Variants in GNA11 observed in about 807,000 individuals in gnomAD.
GNA11 encodes guanine nucleotide-binding protein subunit alpha-11.
In GNA11, 8 loss-of-function variants were observed where a neutral mutation model predicts 38.2. That is an observed-to-expected ratio of 0.21 (90% confidence interval 0.12 to 0.38). The LOEUF (loss-of-function observed/expected upper bound fraction) is 0.38. GNA11 is among the 10% of genes least tolerant of loss of function. The probability of loss-of-function intolerance (pLI) is 1.00; values close to 1 mark genes in which losing one functional copy is unlikely to be tolerated. For synonymous variants in GNA11, 211 were observed against 221.4 expected (o/e 0.95, Z 0.42); for missense variants, 268 against 516.3 (o/e 0.52, Z 4.66).
intron 1 of GNA11, among the ~76,000 whole-genome samples, chr19:3,098,198 C>G (rs867715845): frequency 2.0e-5 from 3 of 152,236 alleles, no homozygotes; most frequent in Non-Finnish European, 2.9e-5. Flanking sequence ...TGTCCCTATG[C>G]ACACTTCTGT....
intron 1 of GNA11, among the ~76,000 whole-genome samples, chr19:3,096,021 C>A (rs1049200410): frequency 3.9e-5 from 6 of 152,052 alleles, no homozygotes; most frequent in African/African-American, 1.4e-4. Flanking sequence ...GCTCCTGGGC[C>A]GGGGGCGGGG....
chr19:3,098,227 T>C (rs1913419433), intron 1 of GNA11, among the ~76,000 whole-genome samples: 3 of 152,230 alleles, frequency 2.0e-5, no homozygotes, highest in Admixed American at 2.0e-4. Flanking sequence ...GTGACAGCTG[T>C]GGATGGGTAC....
At position 3,121,216 on chromosome 19, in the gene GNA11, G is replaced by GC; in HGVS notation, c.*38dup. ...CAGGGAGACGGGATGGAGACACGGG[G>GC]CAGGACCTTCCTTCCACGGAGCCTG... is the stretch of plus-strand genomic sequence containing the variant. On this transcript the variant is annotated 3_prime_UTR_variant, in exon 7 of 7. Coordinates refer to ENST00000078429, the MANE Select transcript of GNA11 (RefSeq NM_002067.5). 1 of 1,532,360 alleles carries GC rather than the reference G, an allele frequency of 6.5e-7. No homozygotes were observed. The highest frequency in any genetic ancestry group is 1.1e-5 in the South Asian group (1 of 87,670). 94.9% of individuals were successfully genotyped at this position (1,532,360 alleles called of 1,614,324 possible).
At chr19:3,111,815 C>T (rs1913781816) in intron 2 of GNA11, among the ~76,000 whole-genome samples, 1 of 152,202 alleles carries the variant, frequency 6.6e-6, no homozygotes, top group Non-Finnish European at 1.5e-5. Context: ...CCAGTGGCCT[C>T]CCTGGGGCCT....
chr19:3,095,641 G>A (rs935113299), intron 1 of GNA11, among the ~76,000 whole-genome samples: 1 of 151,982 alleles, frequency 6.6e-6, no homozygotes, highest in East Asian at 1.9e-4. Context: ...AATGCACCCT[G>A]TGGGAAAAAG....
chr19:3,112,695 C>T (rs995524860), intron 2 of GNA11, among the ~76,000 whole-genome samples: 1 of 152,262 alleles, frequency 6.6e-6, no homozygotes, highest in Admixed American at 6.5e-5. Context: ...TGTTGGGGCA[C>T]CATGTAAACT....
At chr19:3,107,950 G>A (rs1913677386) in intron 1 of GNA11, among the ~76,000 whole-genome samples, 1 of 152,194 alleles carries the variant, frequency 6.6e-6, no homozygotes, top group South Asian at 2.1e-4. Flanking sequence ...CTCCTGTCCT[G>A]GAACTTGGGT....
At chr19:3,097,183 C>T (rs122631) in intron 1 of GNA11, among the ~76,000 whole-genome samples, 3 of 151,142 alleles carry the variant, frequency 2.0e-5, no homozygotes, top group South Asian at 2.1e-4. Flanking sequence ...CGAGGCTCCC[C>T]GGAAGGAAGG....
chr19:3,113,597 G>T (rs913103122), intron 3 of GNA11, 113 bp downstream of exon 3: 4 of 804,832 alleles, frequency 5.0e-6, no homozygotes, highest in Non-Finnish European at 7.6e-6. Context: ...GCTCGCCGGG[G>T]GCAGGGATGC....
intron 1 of GNA11, among the ~76,000 whole-genome samples, chr19:3,095,222 A>G (rs1913334949): frequency 6.6e-6 from 1 of 152,060 alleles, no homozygotes; most frequent in Non-Finnish European, 1.5e-5. Flanking sequence ...TGTCTGGATC[A>G]GGCCCCCGAT....
Position 3,113,321 on chromosome 19 carries a change from C to T in GNA11, c.322-9C>T. ...GAGCTCTCGACGTCTCCCCTGCCCG[C>T]CCTCGCAGGCCAATGCGCTCCTGAT... On this transcript the variant is annotated splice_polypyrimidine_tract_variant and intron_variant, in intron 2 of 6. Coordinates refer to ENST00000078429, the MANE Select transcript of GNA11 (RefSeq NM_002067.5). The T allele has an allele frequency of 6.2e-7, 1 of 1,612,756 alleles. No homozygotes were observed. The highest frequency in any genetic ancestry group is 8.5e-7 in the Non-Finnish European group (1 of 1,179,590).
At chr19:3,103,077 G>A (rs1316657715) in intron 1 of GNA11, among the ~76,000 whole-genome samples, 2 of 152,182 alleles carry the variant, frequency 1.3e-5, no homozygotes, top group East Asian at 1.9e-4. Context: ...TGTGGGGCTC[G>A]GCTCAGGCGT....
intron 4 of GNA11, among the ~76,000 whole-genome samples, chr19:3,116,292 T>G (rs1294168214): frequency 6.6e-6 from 1 of 152,174 alleles, no homozygotes; most frequent in East Asian, 1.9e-4. Flanking sequence ...TGCGTGCCTG[T>G]CCTGGGCTGC....
intron 1 of GNA11, among the ~76,000 whole-genome samples, chr19:3,098,275 G>A (rs1599295417): frequency 6.6e-6 from 1 of 152,208 alleles, no homozygotes; most frequent in African/African-American, 2.4e-5. Context: ...TAGTGCACAC[G>A]CTGCTCCCGC....
At chr19:3,116,085 G>C (rs1568284052) in intron 4 of GNA11, among the ~76,000 whole-genome samples, 1 of 152,030 alleles carries the variant, frequency 6.6e-6, no homozygotes, top group African/African-American at 2.4e-5. Context: ...TGCGGATCCT[G>C]CTGGGCCTCC....
At chr19:3,107,755 T>G (rs940139301) in intron 1 of GNA11, among the ~76,000 whole-genome samples, 3 of 152,148 alleles carry the variant, frequency 2.0e-5, no homozygotes, top group Non-Finnish European at 4.4e-5. Context: ...GGGCCAGGGT[T>G]GCTGCTGAGC....
rs760222003 is a variant in GNA11 at position 3,121,128 on chromosome 19, C to T, written c.1029C>T (p.Ala343=). 9.3e-6 allele frequency: 15 copies of T among 1,613,610 alleles called. No homozygotes were observed. Among genetic ancestry groups the T allele is most frequent in the Middle Eastern group, 1.6e-4 (1 of 6,080 alleles). ...AGAACATCCGCTTCGTGTTCGCGGC[C>T]GTGAAGGACACCATCCTGCAGCTCA... ...DTENIRFVFA[A]VKDTILQLNL... Residue 343 remains alanine, a synonymous_variant, in exon 7 of 7, where the codon GCC becomes GCT. Transcript: ENST00000078429.
chr19:3,098,623 C>T (rs1376194572), intron 1 of GNA11, among the ~76,000 whole-genome samples: 1 of 152,248 alleles, frequency 6.6e-6, no homozygotes, highest in Non-Finnish European at 1.5e-5. Context: ...CCTGTCCGGC[C>T]TGCGCCAGCC....
rs1914093118 is a variant in GNA11 at position 3,122,026 on chromosome 19, G to C, written c.*847G>C. The C allele has an allele frequency of 4.3e-6, 1 of 233,214 alleles. No individual in the cohort carries two copies. Among genetic ancestry groups the C allele is most frequent in the Non-Finnish European group, 8.5e-6 (1 of 117,860 alleles). 14.4% of individuals were successfully genotyped at this position (233,214 alleles called of 1,614,324 possible). On this transcript the variant is annotated 3_prime_UTR_variant, in exon 7 of 7. Transcript: ENST00000078429. The surrounding 1 kb of genome is among the most constrained non-coding windows in gnomAD (Gnocchi z 7.7). The stretch of plus-strand genomic sequence containing the variant: ...CAACACTGGCTGCTTGGGGCTGCCC[G>C]GGGACTCCAGAGGGCTGCACGGCCA...
Sources: gnomAD v4.1 joint callset for allele counts (sites outside exome capture counted in the v4.1 genomes callset) on GRCh38, gnomAD v4.1.1 for gene constraint, Gnocchi (gnomAD v3.1) non-coding constraint, MANE v1.5 for transcripts, NCBI Gene and HGNC (gene_info 2026-07-23, HGNC 2026-07-21) for gene names.